Variants in EXOC6 observed in about 807,000 individuals in gnomAD.
The protein encoded by EXOC6 is exocyst complex component 6.
EXOC6 carries 60 observed loss-of-function variants against 112.5 expected under a neutral mutation model. The ratio of observed to expected loss-of-function variants is 0.53; its 90% CI spans 0.43 to 0.66. EXOC6 has a LOEUF of 0.66. EXOC6 is among the 30% of genes least tolerant of loss of function. The pLI is 0.00. For synonymous variants in EXOC6, 295 were observed against 308.0 expected (o/e 0.96, Z 0.44); for missense variants, 855 against 957.1 (o/e 0.89, Z 1.41).
At chr10:92,948,196 G>A in intron 13 of EXOC6, 78 bp from the exon 14 acceptor site, 2 of 889,856 alleles carry the variant, frequency 2.2e-6, no homozygotes, top group East Asian at 2.7e-5. Flanking sequence ...AATAGTTGGG[G>A]TTTTTTAAGG....
chr10:92,927,681 A>G (rs538562737), intron 8 of EXOC6, among the ~76,000 whole-genome samples: 2 of 152,356 alleles, frequency 1.3e-5, no homozygotes, highest in African/African-American at 4.8e-5. Context: ...AGATAGACTA[A>G]CCAAGAAATT....
rs183780510 is a variant in EXOC6 at position 92,882,297 on chromosome 10, A to G, written c.102-11052A>G. ...AGTGGCTCACGGCTGTAATCCCAGCACTTTGGGAGGCCAAAGCAGGTGGAT... is the reference window on the plus strand; with the variant it reads ...AGTGGCTCACGGCTGTAATCCCAGCGCTTTGGGAGGCCAAAGCAGGTGGAT... On this transcript the variant is annotated intron_variant, in intron 1 of 21. Coordinates refer to ENST00000260762, the MANE Select transcript of EXOC6 (RefSeq NM_019053.6). 2.0e-5 allele frequency among the ~76,000 whole-genome samples: 3 copies of G among 152,118 alleles called. 1 individual carries two copies. The East Asian group carries it at 5.8e-4, about 29-fold the overall frequency.
intron 1 of EXOC6, among the ~76,000 whole-genome samples, chr10:92,892,835 C>T (rs1253519025): frequency 6.6e-6 from 1 of 152,198 alleles, no homozygotes; most frequent in East Asian, 1.9e-4. Context: ...AGTCATATCC[C>T]AGCTATCACT....
At chr10:92,947,917 TAGAA>T (rs765003178) in intron 13 of EXOC6, among the ~76,000 whole-genome samples, 10 of 151,904 alleles carry the variant, frequency 6.6e-5, no homozygotes, top group African/African-American at 9.7e-5. Context: ...AAAGAAAAAA[TAGAA>T]AGAATTATGA....
At chr10:92,861,196 G>C (rs557171829) in intron 1 of EXOC6, among the ~76,000 whole-genome samples, 1 of 152,326 alleles carries the variant, frequency 6.6e-6, no homozygotes, top group Non-Finnish European at 1.5e-5. Flanking sequence ...ATTCTTTGGA[G>C]CTCTTTGTAC....
At chr10:92,998,572 T>C (rs2134181764) in intron 19 of EXOC6, among the ~76,000 whole-genome samples, 1 of 151,438 alleles carries the variant, frequency 6.6e-6, no homozygotes, top group Admixed American at 6.6e-5. Flanking sequence ...ACATCATTAA[T>C]ATTATAGAAA....
Position 93,014,219 on chromosome 10 carries a change from A to T in EXOC6, c.2121A>T (p.Pro707=). The change falls in exon 20 of 22, where the codon CCA becomes CCT. Residue 707 remains proline (P), a synonymous_variant. Transcript: ENST00000260762. ...TGTTTGCCAGCTCTGAGCCTGTGCC[A>T]GGATTCCAGGGGGATACCCTGCAGC... The part of the protein sequence containing the change: ...CELFASSEPV[P]GFQGDTLQLA... 1.2e-6 allele frequency: 2 copies of T among 1,613,302 alleles called. No homozygotes were observed. The highest frequency in any genetic ancestry group is 4.5e-5 in the East Asian group (2 of 44,846).
intron 1 of EXOC6, among the ~76,000 whole-genome samples, chr10:92,885,766 T>C (rs1849182391): frequency 6.6e-6 from 1 of 152,212 alleles, no homozygotes; most frequent in Non-Finnish European, 1.5e-5. Context: ...TGTGTTAAGC[T>C]TTTGGAAGGG....
intron 1 of EXOC6, among the ~76,000 whole-genome samples, chr10:92,849,148 C>A (rs183705458): frequency 2.0e-5 from 3 of 152,218 alleles, no homozygotes; most frequent in Non-Finnish European, 4.4e-5. Context: ...CGGGAGACGC[C>A]GGCCCGCTTT....
intron 7 of EXOC6, among the ~76,000 whole-genome samples, chr10:92,916,525 A>G (rs1001795592): frequency 6.6e-6 from 1 of 152,092 alleles, no homozygotes; most frequent in Non-Finnish European, 1.5e-5. Flanking sequence ...GAAGAAAAAA[A>G]ACAAACAACT....
At chr10:93,041,769 T>A (rs1845791758) in intron 20 of EXOC6, among the ~76,000 whole-genome samples, 1 of 152,064 alleles carries the variant, frequency 6.6e-6, no homozygotes, top group African/African-American at 2.4e-5. Flanking sequence ...TGGAGTGCAC[T>A]GGTGCGATCT....
intron 13 of EXOC6, among the ~76,000 whole-genome samples, chr10:92,947,659 C>A (rs112755513): frequency 0.011 from 1,718 of 152,294 alleles, 18 homozygotes; most frequent in Non-Finnish European, 0.017. Flanking sequence ...CCTGTAATCT[C>A]AGCACTTTAG....
intron 1 of EXOC6, among the ~76,000 whole-genome samples, chr10:92,863,871 C>T (rs528960511): frequency 2.1e-4 from 31 of 147,676 alleles, no homozygotes; most frequent in African/African-American, 5.8e-4. Context: ...GTCTATATCG[C>T]GCCACTGCAC....
At chr10:92,944,770 T>G (rs934990207) in intron 13 of EXOC6, among the ~76,000 whole-genome samples, 1 of 143,164 alleles carries the variant, frequency 7.0e-6, no homozygotes, top group South Asian at 2.2e-4. Context: ...GATACCTCGT[T>G]GTATTTTTTT....
chr10:92,925,579 G>A (rs1426658828), intron 8 of EXOC6, among the ~76,000 whole-genome samples: 4 of 152,128 alleles, frequency 2.6e-5, no homozygotes, highest in Non-Finnish European at 2.9e-5. Flanking sequence ...ACAGGCGTGA[G>A]CCAATGCACC....
intron 1 of EXOC6, among the ~76,000 whole-genome samples, chr10:92,850,841 G>A (rs1847290548): frequency 6.6e-6 from 1 of 151,684 alleles, no homozygotes; most frequent in Non-Finnish European, 1.5e-5. Flanking sequence ...TTTTCTCAGC[G>A]GCGGGATTTT....
intron 1 of EXOC6, among the ~76,000 whole-genome samples, chr10:92,884,812 A>G (rs1849131995): frequency 2.0e-5 from 3 of 152,210 alleles, no homozygotes; most frequent in Non-Finnish European, 4.4e-5. Context: ...AAATATATAA[A>G]AAGTGATGAG....
intron 20 of EXOC6, among the ~76,000 whole-genome samples, chr10:93,041,486 G>T (rs1845773360): frequency 6.6e-6 from 1 of 152,024 alleles, no homozygotes; most frequent in Admixed American, 6.6e-5. Context: ...CTACCTCCTG[G>T]GTTCAAGCAA....
In EXOC6 at chr10:92,919,973, A is replaced by T. The variant is rs754744180; in HGVS notation, c.820-9A>T. On this transcript the variant is annotated splice_polypyrimidine_tract_variant and intron_variant, in intron 7 of 21. Transcript: ENST00000260762. ...CCTATAATTTTTTTAAAAATGGTTT[A>T]ATTTTCAGATCTTAACTGTTCAGGA... 1.9e-6 allele frequency: 3 copies of T among 1,574,900 alleles called. No individual in the cohort carries two copies. In the Admixed American group the frequency reaches 5.5e-5, roughly 29 times the overall value.
Sources: gnomAD v4.1 joint callset for allele counts (sites outside exome capture counted in the v4.1 genomes callset) on GRCh38, gnomAD v4.1.1 for gene constraint, MANE v1.5 for transcripts, NCBI Gene and HGNC (gene_info 2026-07-23, HGNC 2026-07-21) for gene names.